REDIC1: variants seen among roughly 807,000 people sequenced by gnomAD.
The protein encoded by REDIC1 is HEI10 Interacting Protein 1.
chr12:39,669,943 G>A, the REDIC1 span, among the ~76,000 whole-genome samples: 2,493 of 152,216 alleles, frequency 0.016, 65 homozygotes, highest in African/African-American at 0.054. Flanking sequence ...TTCAGGTGCC[G>A]TCTGTCACCC....
the REDIC1 span, among the ~76,000 whole-genome samples, chr12:39,666,874 C>T: frequency 3.8e-3 from 584 of 152,322 alleles, 3 homozygotes; most frequent in African/African-American, 0.013. Flanking sequence ...ATAGTATTCT[C>T]TGATGGTAGT....
chr12:39,747,380 A>C, the REDIC1 span, among the ~76,000 whole-genome samples: 124,921 of 152,030 alleles, frequency 0.82, 51,510 homozygotes, highest in Non-Finnish European at 0.84. Context: ...TAGAGAAAAA[A>C]GAGTAAAAAG....
chr12:39,659,040 T>A, the REDIC1 span, among the ~76,000 whole-genome samples: 9 of 152,040 alleles, frequency 5.9e-5, no homozygotes, highest in Admixed American at 5.2e-4. Flanking sequence ...GGTGTCATTT[T>A]CTGTTTGAAA....
chr12:39,882,834 C>G, the REDIC1 span, among the ~76,000 whole-genome samples: 2 of 152,306 alleles, frequency 1.3e-5, no homozygotes, highest in East Asian at 3.9e-4. Flanking sequence ...ATCTATACCT[C>G]TTTTAGTAAC....
the REDIC1 span, among the ~76,000 whole-genome samples, chr12:39,817,864 G>A: frequency 0.019 from 2,942 of 152,228 alleles, 39 homozygotes; most frequent in Non-Finnish European, 0.032. Context: ...ATCCACAAAT[G>A]AGAATACTCA....
At chr12:39,743,401 A>G in the REDIC1 span, among the ~76,000 whole-genome samples, 2 of 152,200 alleles carry the variant, frequency 1.3e-5, no homozygotes, top group African/African-American at 4.8e-5. Flanking sequence ...CATGTCACCA[A>G]AAGTTTACTT....
At chr12:39,789,912 G>A in the REDIC1 span, among the ~76,000 whole-genome samples, 2 of 151,966 alleles carry the variant, frequency 1.3e-5, no homozygotes, top group Non-Finnish European at 2.9e-5. Context: ...TCATAGGAAC[G>A]TCCAGATATA....
the REDIC1 span, among the ~76,000 whole-genome samples, chr12:39,705,960 T>C: frequency 6.6e-6 from 1 of 152,138 alleles, no homozygotes; most frequent in South Asian, 2.1e-4. Flanking sequence ...CTACTGGAAG[T>C]TCTATCTAGA....
the REDIC1 span, among the ~76,000 whole-genome samples, chr12:39,883,943 G>A: frequency 5.3e-5 from 8 of 151,870 alleles, no homozygotes; most frequent in South Asian, 2.1e-4. Flanking sequence ...CCATCAAAAC[G>A]TTTAGACAGA....
At chr12:39,659,693 T>C in the REDIC1 span, among the ~76,000 whole-genome samples, 1 of 152,154 alleles carries the variant, frequency 6.6e-6, no homozygotes, top group East Asian at 1.9e-4. Context: ...ATGATAACTT[T>C]TAATGTACTT....
At chr12:39,854,691 G>A in the REDIC1 span, among the ~76,000 whole-genome samples, 1 of 152,120 alleles carries the variant, frequency 6.6e-6, no homozygotes, top group African/African-American at 2.4e-5. Flanking sequence ...GCTTGATGCT[G>A]TTGACTGGCT....
At chr12:39,818,532 A>G in the REDIC1 span, among the ~76,000 whole-genome samples, 2 of 152,150 alleles carry the variant, frequency 1.3e-5, no homozygotes, top group African/African-American at 4.8e-5. Flanking sequence ...CTAATTACGT[A>G]AGTTTATAAG....
At chr12:39,760,376 C>A in the REDIC1 span, 2 of 722,368 alleles carry the variant, frequency 2.8e-6, no homozygotes, top group Non-Finnish European at 4.4e-6. Context: ...TGAAATGGAC[C>A]AAAAAATTAC....
At chr12:39,763,118 G>A in the REDIC1 span, among the ~76,000 whole-genome samples, 47 of 152,036 alleles carry the variant, frequency 3.1e-4, no homozygotes, top group East Asian at 1.4e-3. Flanking sequence ...TATTGTGCTC[G>A]TATTTATTAT....
chr12:39,730,468 A>C, the REDIC1 span, among the ~76,000 whole-genome samples: 173 of 152,204 alleles, frequency 1.1e-3, no homozygotes, highest in South Asian at 6.0e-3. Context: ...TTTTCTTTAA[A>C]ATGTTGAATA....
At chr12:39,866,313 GGATCAGATGAC>G in the REDIC1 span, among the ~76,000 whole-genome samples, 2 of 152,112 alleles carry the variant, frequency 1.3e-5, no homozygotes, top group African/African-American at 4.8e-5. Flanking sequence ...GGTGACCTTG[GGATCAGATGAC>G]TGTAGTTTTT....
chr12:39,842,944 T>C, the REDIC1 span, among the ~76,000 whole-genome samples: 1 of 152,040 alleles, frequency 6.6e-6, no homozygotes, highest in Non-Finnish European at 1.5e-5. Context: ...TGTCAGTAGT[T>C]CATGTTTTTT....
the REDIC1 span, among the ~76,000 whole-genome samples, chr12:39,901,956 T>G: frequency 3.3e-5 from 5 of 152,008 alleles, no homozygotes; most frequent in Admixed American, 2.0e-4. Context: ...TGTCCATCAA[T>G]GATAGACTGG....
chr12:39,784,394 A>G, the REDIC1 span, among the ~76,000 whole-genome samples: 1 of 152,224 alleles, frequency 6.6e-6, no homozygotes, highest in Non-Finnish European at 1.5e-5. Flanking sequence ...ACAATGGAAC[A>G]GAACAGAGCC....
Sources: allele counts gnomAD v4.1 joint callset (sites outside exome capture counted in the v4.1 genomes callset), GRCh38; gene constraint gnomAD v4.1.1; transcripts MANE v1.5; gene names NCBI Gene and HGNC (gene_info 2026-07-23, HGNC 2026-07-21).